The following FLT1 variants were observed in gnomAD, a reference collection of about 807,000 sequenced individuals.
The protein encoded by FLT1 is fms related receptor tyrosine kinase 1.
Under a neutral mutation model 156.3 loss-of-function variants are expected in FLT1, and 49 were observed. The ratio of observed to expected loss-of-function variants is 0.31; its 90% CI spans 0.25 to 0.40. The LOEUF (loss-of-function observed/expected upper bound fraction) is 0.40. Ranked by LOEUF, FLT1 falls within the 10% of genes least tolerant of loss-of-function variation. The probability of loss-of-function intolerance (pLI) is 1.00; values close to 1 mark genes in which losing one functional copy is unlikely to be tolerated. For synonymous variants in FLT1, 594 were observed against 583.8 expected (o/e 1.02, Z -0.25); for missense variants, 1,322 against 1,637.2 (o/e 0.81, Z 3.32).
chr13:28,463,926 T>G (rs2137615541), intron 3 of FLT1, among the ~76,000 whole-genome samples: 1 of 152,320 alleles, frequency 6.6e-6, no homozygotes, highest in South Asian at 2.1e-4. Flanking sequence ...AATATCACCC[T>G]AACAGGAAAC....
intron 17 of FLT1, among the ~76,000 whole-genome samples, chr13:28,334,352 C>T (rs935092717): frequency 4.6e-5 from 7 of 152,136 alleles, no homozygotes; most frequent in African/African-American, 1.7e-4. Context: ...TAGAGTAAGT[C>T]CCTAGAAGGC....
rs756178745 is a variant in FLT1, at chr13:28,303,378, G to C, written c.3816-10C>G. ...ACTGGTTACTCTCAAGCTAAAGAAA[G>C]AAAGGAAAGAAATCAAATATTCAAA... On this transcript the variant is annotated splice_polypyrimidine_tract_variant and intron_variant, in intron 29 of 29. Transcript: ENST00000282397. The C allele has an allele frequency of 1.1e-5, 17 of 1,611,366 alleles. No individual in the cohort carries two copies. The highest frequency in any genetic ancestry group is 1.4e-5 in the Non-Finnish European group (16 of 1,178,462).
chr13:28,331,672 T>C (rs1190225677), intron 18 of FLT1, among the ~76,000 whole-genome samples: 5 of 152,148 alleles, frequency 3.3e-5, no homozygotes, highest in African/African-American at 1.2e-4. Context: ...CCTCATGATC[T>C]GCCGGCCTCG....
chr13:28,333,350 T>C (rs1000720293), intron 18 of FLT1, among the ~76,000 whole-genome samples: 2 of 152,204 alleles, frequency 1.3e-5, no homozygotes, highest in African/African-American at 2.4e-5. Flanking sequence ...TTTTCTACAC[T>C]GTAAAGGACC....
chr13:28,311,675 A>G lies in FLT1; in HGVS notation c.3550T>C (p.Tyr1184His), dbSNP rs1189128422. ...TCCTCAGAGAAGGCAGGAGTTGAGT[A>G]TGTAAACCCACTATTTCCTGTCAGT... ...AILTGNSGFT[Y>H]STPAFSEDFF... Residue 1184 changes from tyrosine to histidine, a missense_variant, in exon 27 of 30, where the codon TAC (tyrosine) becomes CAC (histidine). Physicochemically the swap from Tyr to His is moderately conservative, Grantham distance 83 (BLOSUM62 2). Coordinates refer to ENST00000282397, the MANE Select transcript of FLT1 (RefSeq NM_002019.4). 6.2e-7 allele frequency: 1 copy of G among 1,613,644 alleles called. No individual in the cohort carries two copies. Among genetic ancestry groups the G allele is most frequent in the South Asian group, 1.1e-5 (1 of 91,074 alleles).
intron 10 of FLT1, among the ~76,000 whole-genome samples, chr13:28,421,398 A>G (rs1876988714): frequency 6.6e-6 from 1 of 152,220 alleles, no homozygotes; most frequent in South Asian, 2.1e-4. Flanking sequence ...CAAATAAAGC[A>G]GGCAAAGCTT....
intron 17 of FLT1, among the ~76,000 whole-genome samples, chr13:28,336,428 C>A (rs1277617966): frequency 6.6e-6 from 1 of 152,202 alleles, no homozygotes; most frequent in African/African-American, 2.4e-5. Flanking sequence ...CCTTAAAATT[C>A]TCCTCAGTGT....
chr13:28,321,358 G>A, intron 23 of FLT1, 105 bp downstream of exon 23: 1 of 1,369,534 alleles, frequency 7.3e-7, no homozygotes, highest in Non-Finnish European at 1.0e-6. Context: ...GAAAGCCAAT[G>A]ATGGTTTTCA....
At chr13:28,347,403 C>G (rs940623982) in intron 15 of FLT1, among the ~76,000 whole-genome samples, 1 of 152,014 alleles carries the variant, frequency 6.6e-6, no homozygotes, top group Admixed American at 6.6e-5. Flanking sequence ...TGGGGGGGCA[C>G]CCAGCTCCTC....
intron 18 of FLT1, among the ~76,000 whole-genome samples, chr13:28,333,495 A>G (rs1872003667): frequency 6.6e-6 from 1 of 152,182 alleles, no homozygotes; most frequent in African/African-American, 2.4e-5. Context: ...GTATCTTTCA[A>G]CACTAGAAAG....
chr13:28,353,371 G>A (rs1433863113), intron 15 of FLT1, among the ~76,000 whole-genome samples: 3 of 151,922 alleles, frequency 2.0e-5, no homozygotes, highest in African/African-American at 4.8e-5. Flanking sequence ...TCAGGAGTTC[G>A]AGACCAGCCT....
At chr13:28,457,626 A>T (rs1879338340) in intron 3 of FLT1, among the ~76,000 whole-genome samples, 1 of 152,208 alleles carries the variant, frequency 6.6e-6, no homozygotes, top group African/African-American at 2.4e-5. Context: ...GACCATAAAG[A>T]TAAAAACAGA....
At chr13:28,466,806 T>C (rs1294350204) in intron 3 of FLT1, 97 bp downstream of exon 3, 4 of 836,914 alleles carry the variant, frequency 4.8e-6, no homozygotes, top group Non-Finnish European at 8.2e-6. Context: ...GTTTCTTTCA[T>C]ACTCACTAGG....
chr13:28,386,115 T>C (rs762737671), intron 13 of FLT1: 2 of 1,052,888 alleles, frequency 1.9e-6, no homozygotes, highest in Non-Finnish European at 2.3e-6. Context: ...CCATTTTCGA[T>C]TTCCTCATCT....
chr13:28,458,869 T>C (rs147464094), intron 3 of FLT1, among the ~76,000 whole-genome samples: 1 of 152,210 alleles, frequency 6.6e-6, no homozygotes, highest in Non-Finnish European at 1.5e-5. Context: ...ATCTCCTTCA[T>C]ACTTCAGCCC....
At position 28,397,122 on chromosome 13, in the gene FLT1, A is replaced by AC. The variant is rs2137473620; in HGVS notation, c.1552-55dup. The AC allele has an allele frequency of 1.2e-5, 12 of 969,782 alleles. No individual in the cohort carries two copies. The South Asian group carries it at 1.6e-4, about 13-fold the overall frequency. The allele number at this position is 969,782 out of a possible 1,614,324, so 60.1% of individuals were successfully genotyped here. On this transcript the variant is annotated intron_variant, in intron 11 of 29. Coordinates refer to ENST00000282397, the MANE Select transcript of FLT1 (RefSeq NM_002019.4). Reference sequence around the variant, plus strand: ...CAACAGGACAAATAACTAATTGAACACCCCAAGCTACTTCTGAGGTTGAAA... The same window carrying AC: ...CAACAGGACAAATAACTAATTGAACACCCCCAAGCTACTTCTGAGGTTGAAA...
chr13:28,313,843 A>C (rs1247088561), intron 25 of FLT1, among the ~76,000 whole-genome samples: 1 of 151,252 alleles, frequency 6.6e-6, no homozygotes, highest in Non-Finnish European at 1.5e-5. Flanking sequence ...ATTTTGTTTC[A>C]AAGTATATGA....
chr13:28,428,344 C>G (rs1877470263), intron 8 of FLT1, among the ~76,000 whole-genome samples: 2 of 151,990 alleles, frequency 1.3e-5, no homozygotes, highest in Admixed American at 1.3e-4. Context: ...TAAAAATAGA[C>G]TTTTCTATTG....
intron 10 of FLT1, among the ~76,000 whole-genome samples, chr13:28,411,926 TG>T (rs147134975): frequency 0.025 from 3,882 of 152,308 alleles, 163 homozygotes; most frequent in African/African-American, 0.087. Flanking sequence ...TGATGAAATC[TG>T]AGGACTTGTG....
Sources: gnomAD v4.1 joint callset for allele counts (sites outside exome capture counted in the v4.1 genomes callset) on GRCh38, gnomAD v4.1.1 for gene constraint, MANE v1.5 for transcripts, NCBI Gene and HGNC (gene_info 2026-07-23, HGNC 2026-07-21) for gene names.